Variants in SLC23A2 observed in about 807,000 individuals in gnomAD.
SLC23A2 encodes the protein solute carrier family 23 member 2.
Under a neutral mutation model 73.3 loss-of-function variants are expected in SLC23A2, and 36 were observed. The ratio of observed to expected loss-of-function variants is 0.49; its 90% CI spans 0.38 to 0.65. SLC23A2 has a LOEUF of 0.65. SLC23A2 is among the 30% of genes least tolerant of loss of function. The probability of loss-of-function intolerance (pLI) is 0.00; values close to 1 mark genes in which losing one functional copy is unlikely to be tolerated. For missense variants in SLC23A2, 507 were observed against 841.6 expected, an observed-to-expected ratio of 0.60 and a Z score of 4.92; for synonymous variants, 343 against 327.3, an observed-to-expected ratio of 1.05 and a Z score of -0.52.
chr20:4,911,736 G>C (rs1268541334), intron 4 of SLC23A2, among the ~76,000 whole-genome samples: 1 of 152,040 alleles, frequency 6.6e-6, no homozygotes, highest in Non-Finnish European at 1.5e-5. Context: ...ACAATTTGGA[G>C]ATATCAGATT....
chr20:4,941,621 G>A (rs2087042466), intron 2 of SLC23A2, among the ~76,000 whole-genome samples: 1 of 151,644 alleles, frequency 6.6e-6, no homozygotes, highest in South Asian at 2.1e-4. Flanking sequence ...AGACACACTT[G>A]AACCCAGGAG....
intron 9 of SLC23A2, among the ~76,000 whole-genome samples, chr20:4,879,408 C>CAAAA (rs111565515): frequency 0.24 from 10,453 of 42,820 alleles, 1,662 homozygotes; most frequent in African/African-American, 0.27. Flanking sequence ...AACTCTGTCT[C>CAAAA]AAAAAAAAAA....
intron 1 of SLC23A2, among the ~76,000 whole-genome samples, chr20:4,986,553 C>A (rs1105838): frequency 0.41 from 61,386 of 151,300 alleles, 13,476 homozygotes; most frequent in East Asian, 0.61. Flanking sequence ...GCCTCAAGTG[C>A]TCAATCCACC....
chr20:4,953,906 T>TA (rs1333398090), intron 2 of SLC23A2, among the ~76,000 whole-genome samples: 1 of 151,698 alleles, frequency 6.6e-6, no homozygotes, highest in African/African-American at 2.4e-5. Context: ...TAAATAAAAA[T>TA]AAAATAAATG....
intron 4 of SLC23A2, among the ~76,000 whole-genome samples, chr20:4,908,810 C>A (rs1311626578): frequency 6.6e-6 from 1 of 152,152 alleles, no homozygotes; most frequent in Non-Finnish European, 1.5e-5. Flanking sequence ...CGCCTGTGAT[C>A]CCAGCTACTT....
chr20:4,942,059 G>C (rs2087050378), intron 2 of SLC23A2, among the ~76,000 whole-genome samples: 1 of 152,090 alleles, frequency 6.6e-6, no homozygotes, highest in South Asian at 2.1e-4. Context: ...GCCTCATGGT[G>C]TCCACATTAG....
intron 1 of SLC23A2, among the ~76,000 whole-genome samples, chr20:4,994,726 A>G (rs1022505552): frequency 4.6e-5 from 7 of 152,034 alleles, no homozygotes; most frequent in Non-Finnish European, 7.4e-5. Context: ...GCACCACTGC[A>G]CTCCAGCCTG....
intron 3 of SLC23A2, among the ~76,000 whole-genome samples, chr20:4,914,494 C>T (rs1207040945): frequency 1.3e-5 from 2 of 151,924 alleles, no homozygotes; most frequent in African/African-American, 4.8e-5. Context: ...TTGGAGAGAA[C>T]ATGCTCTTGG....
chr20:4,944,448 A>G (rs893934619), intron 2 of SLC23A2, among the ~76,000 whole-genome samples: 2 of 152,272 alleles, frequency 1.3e-5, no homozygotes, highest in African/African-American at 4.8e-5. Context: ...CATCTTGGCC[A>G]GGCTGGTCTT....
chr20:4,888,532 G>C (rs987724633), intron 6 of SLC23A2, among the ~76,000 whole-genome samples: 1 of 152,034 alleles, frequency 6.6e-6, no homozygotes. Flanking sequence ...ATCCCATGTC[G>C]GGCTCCAGCC....
At chr20:4,935,336 A>G (rs565623946) in intron 2 of SLC23A2, among the ~76,000 whole-genome samples, 75 of 152,258 alleles carry the variant, frequency 4.9e-4, no homozygotes, top group Middle Eastern at 6.8e-3. Context: ...ATGAATGCAG[A>G]GCCTAAAATG....
At chr20:4,901,071 A>G (rs1002218926) in intron 5 of SLC23A2, among the ~76,000 whole-genome samples, 1 of 152,174 alleles carries the variant, frequency 6.6e-6, no homozygotes, top group African/African-American at 2.4e-5. Context: ...TGCTGGGAAC[A>G]TTTATAAGAT....
chr20:4,972,777 C>T (rs886166608), intron 1 of SLC23A2, among the ~76,000 whole-genome samples: 1 of 151,908 alleles, frequency 6.6e-6, no homozygotes. Context: ...AGTAGAGACA[C>T]GGTTTCACCA....
chr20:4,873,503 A>C (rs996579554), intron 11 of SLC23A2, among the ~76,000 whole-genome samples: 2 of 152,244 alleles, frequency 1.3e-5, no homozygotes, highest in Non-Finnish European at 2.9e-5. Context: ...ATGGCTGCCC[A>C]TTAAGAGATT....
rs1931793474 is a variant in SLC23A2, at chr20:4,902,648, A to T, written c.208-90T>A. ...GTACAGGCCACTATTACAGAAAAAC[A>T]ACTTTATCAAGTGGTTGCCATCTTC... is the stretch of plus-strand genomic sequence containing the variant. On this transcript the variant is annotated intron_variant, in intron 4 of 16. Transcript: ENST00000338244. The surrounding 1 kb of genome is among the most constrained non-coding windows in gnomAD (Gnocchi z 4.0). The T allele has an allele frequency of 9.7e-6, 6 of 619,004 alleles. No individual in the cohort carries two copies. The South Asian group carries it at 1.5e-4, about 15-fold the overall frequency. The allele number at this position is 619,004 out of a possible 1,614,324, so 38.3% of individuals were successfully genotyped here.
chr20:5,007,888 T>C (rs1355690445), intron 1 of SLC23A2, among the ~76,000 whole-genome samples: 3 of 152,130 alleles, frequency 2.0e-5, no homozygotes, highest in Non-Finnish European at 4.4e-5. Flanking sequence ...TTCATTGTGA[T>C]AAAATATATG....
intron 13 of SLC23A2, among the ~76,000 whole-genome samples, chr20:4,864,068 C>T (rs1930093565): frequency 6.6e-6 from 1 of 152,176 alleles, no homozygotes; most frequent in Non-Finnish European, 1.5e-5. Context: ...GCTCAGGAAT[C>T]CTGCACTATG....
At chr20:4,884,894 T>C (rs1235040787) in intron 7 of SLC23A2, 71 bp from the exon 8 acceptor site, 1 of 886,920 alleles carries the variant, frequency 1.1e-6, no homozygotes, top group Non-Finnish European at 1.7e-6. Flanking sequence ...TTTTACCTTT[T>C]AAGAAGAATT....
At chr20:4,938,088 T>C (rs1208447155) in intron 2 of SLC23A2, among the ~76,000 whole-genome samples, 1 of 150,914 alleles carries the variant, frequency 6.6e-6, no homozygotes, top group Non-Finnish European at 1.5e-5. Context: ...TGGAGTGCAG[T>C]GGCGCGATCA....
Sources: gnomAD v4.1 joint callset for allele counts (sites outside exome capture counted in the v4.1 genomes callset) on GRCh38, gnomAD v4.1.1 for gene constraint, Gnocchi (gnomAD v3.1) non-coding constraint, MANE v1.5 for transcripts, NCBI Gene and HGNC (gene_info 2026-07-23, HGNC 2026-07-21) for gene names.